Variants in CSGALNACT1 observed in about 807,000 individuals in gnomAD.
CSGALNACT1 encodes chondroitin sulfate N-acetylgalactosaminyltransferase 1.
CSGALNACT1 carries 52 observed loss-of-function variants against 51.0 expected under a neutral mutation model. That is an observed-to-expected ratio of 1.02 (90% CI 0.82 to 1.29). CSGALNACT1 has a LOEUF of 1.29. Among genes scored for constraint, CSGALNACT1 ranks in the 50% most tolerant of loss-of-function variants. The pLI, the probability that CSGALNACT1 is intolerant of heterozygous loss-of-function variation, is 0.00. For missense variants in CSGALNACT1, 935 were observed against 679.2 expected, an observed-to-expected ratio of 1.38 and a Z score of -4.19; for synonymous variants, 341 against 254.4, an observed-to-expected ratio of 1.34 and a Z score of -3.24.
chr8:19,586,304 A>G (rs1240894932), intron 3 of CSGALNACT1, among the ~76,000 whole-genome samples: 1 of 151,962 alleles, frequency 6.6e-6, no homozygotes, highest in Non-Finnish European at 1.5e-5. Context: ...GGCTGCAGTG[A>G]GCCAAGATCA....
intron 5 of CSGALNACT1, among the ~76,000 whole-genome samples, chr8:19,449,222 CA>C (rs1205730181): frequency 1.3e-5 from 2 of 152,176 alleles, no homozygotes; most frequent in African/African-American, 4.8e-5. Flanking sequence ...CAAGTGAAAT[CA>C]AAACCAACTT....
At chr8:19,667,671 TC>T (rs1300176139) in intron 1 of CSGALNACT1, among the ~76,000 whole-genome samples, 1 of 152,164 alleles carries the variant, frequency 6.6e-6, no homozygotes, top group Non-Finnish European at 1.5e-5. Flanking sequence ...GACTAACGTC[TC>T]TTCCTCAGAT....
intron 1 of CSGALNACT1, among the ~76,000 whole-genome samples, chr8:19,669,483 CCT>C (rs1373742061): frequency 6.6e-6 from 1 of 152,028 alleles, no homozygotes; most frequent in African/African-American, 2.4e-5. Context: ...ATGGAGTCTC[CCT>C]CTGTCACCCA....
chr8:19,582,502 A>C (rs1163529887), intron 3 of CSGALNACT1, among the ~76,000 whole-genome samples: 2 of 152,214 alleles, frequency 1.3e-5, no homozygotes, highest in Non-Finnish European at 2.9e-5. Flanking sequence ...GAAGAAAATC[A>C]TCTGGCTTCA....
chr8:19,484,530 T>C (rs4921652), intron 4 of CSGALNACT1, among the ~76,000 whole-genome samples: 123,349 of 152,160 alleles, frequency 0.81, 50,147 homozygotes, highest in East Asian at 0.86. Context: ...AGCAAAGGCA[T>C]GTCTTACATG....
At chr8:19,711,379 A>T (rs1286105141) in intron 1 of CSGALNACT1, among the ~76,000 whole-genome samples, 1 of 152,168 alleles carries the variant, frequency 6.6e-6, no homozygotes, top group East Asian at 1.9e-4. Flanking sequence ...AGAGAGTGTA[A>T]CAAGTTCAAC....
At chr8:19,580,874 T>C (rs1172196897) in intron 3 of CSGALNACT1, among the ~76,000 whole-genome samples, 1 of 152,070 alleles carries the variant, frequency 6.6e-6, no homozygotes, top group East Asian at 1.9e-4. Flanking sequence ...AAAAACTCAA[T>C]AGATAGGTTT....
chr8:19,420,695 C>T (rs551257924), intron 6 of CSGALNACT1, among the ~76,000 whole-genome samples, 177 bp from the exon 6 acceptor site: 115 of 152,264 alleles, frequency 7.6e-4, no homozygotes, highest in African/African-American at 2.6e-3. Context: ...TCACTGGGAT[C>T]GAAGGTACCA....
chr8:19,578,932 G>A (rs532025026), intron 3 of CSGALNACT1, among the ~76,000 whole-genome samples: 63 of 152,134 alleles, frequency 4.1e-4, no homozygotes, highest in African/African-American at 1.2e-3. Flanking sequence ...TTCTTGCTAC[G>A]TTGACCACGC....
At chr8:19,639,300 A>G (rs1371743095) in intron 1 of CSGALNACT1, among the ~76,000 whole-genome samples, 1 of 152,236 alleles carries the variant, frequency 6.6e-6, no homozygotes, top group Non-Finnish European at 1.5e-5. Context: ...TTAAACAATG[A>G]GAGACAAACA....
chr8:19,749,217 G>A (rs78626208), intron 1 of CSGALNACT1, among the ~76,000 whole-genome samples: 1 of 139,980 alleles, frequency 7.1e-6, no homozygotes, highest in African/African-American at 2.6e-5. Context: ...GTCCTTCTGT[G>A]TTTTTTTTTT....
chr8:19,449,029 T>C (rs1043754077), intron 5 of CSGALNACT1, among the ~76,000 whole-genome samples: 3 of 152,168 alleles, frequency 2.0e-5, no homozygotes, highest in African/African-American at 4.8e-5. Flanking sequence ...TTTATTAATA[T>C]ATAATTATTC....
chr8:19,411,544 G>T lies in CSGALNACT1; in HGVS notation c.1228-2850C>A, dbSNP rs147413778. Among the ~76,000 whole-genome samples the T allele has an allele frequency of 9.7e-4, 148 of 152,318 alleles. 4 individuals are homozygous for T. In the East Asian group the frequency reaches 0.027, roughly 28 times the overall value. ...TTCGCCAGCAAGTGGCCCAGCAAAGGCCTGGGAAATGCAGTGGTGAGAACC... is the reference window on the plus strand; with the variant it reads ...TTCGCCAGCAAGTGGCCCAGCAAAGTCCTGGGAAATGCAGTGGTGAGAACC... On this transcript the variant is annotated intron_variant, in intron 8 of 9. Coordinates refer to ENST00000454498, the Ensembl canonical transcript of CSGALNACT1.
chr8:19,539,762 T>C (rs2084650893), intron 3 of CSGALNACT1, among the ~76,000 whole-genome samples: 1 of 152,140 alleles, frequency 6.6e-6, no homozygotes, highest in Non-Finnish European at 1.5e-5. Context: ...TTGGCCACAT[T>C]GACTGTGATT....
intron 5 of CSGALNACT1, chr8:19,457,382 G>T (rs969450153): frequency 2.9e-6 from 1 of 345,694 alleles, no homozygotes; most frequent in Admixed American, 4.0e-5. Context: ...AGAGGCCGAG[G>T]TGAGCAGATC....
chr8:19,587,207 A>G lies in CSGALNACT1; in HGVS notation c.-297+3953T>C, dbSNP rs187705211. On this transcript the variant is annotated intron_variant, in intron 3 of 9. Transcript: ENST00000454498. ...CTTTTCAAAATTGCAGGTAACTGGCACTGCCCAAGACACACAGAATCAGAA... is the reference window on the plus strand; with the variant it reads ...CTTTTCAAAATTGCAGGTAACTGGCGCTGCCCAAGACACACAGAATCAGAA... Among the ~76,000 whole-genome samples, 568 of 152,322 alleles carry G rather than the reference A, an allele frequency of 3.7e-3. 5 individuals are homozygous for G. Among genetic ancestry groups the G allele is most frequent in the Non-Finnish European group, 4.5e-3 (304 of 68,020 alleles).
At chr8:19,678,893 T>C (rs1442183476) in intron 1 of CSGALNACT1, 1 of 152,136 alleles carries the variant, frequency 6.6e-6, no homozygotes, top group Non-Finnish European at 1.5e-5. Flanking sequence ...ACAACAATAA[T>C]AGAAACCAAT....
intron 1 of CSGALNACT1, among the ~76,000 whole-genome samples, chr8:19,635,436 T>C (rs1243219086): frequency 6.6e-6 from 1 of 152,214 alleles, no homozygotes; most frequent in Non-Finnish European, 1.5e-5. Context: ...TCTAGGCCTG[T>C]TGCCCTAAAT....
chr8:19,755,841 A>G (rs779143369), intron 1 of CSGALNACT1, among the ~76,000 whole-genome samples: 5 of 152,256 alleles, frequency 3.3e-5, no homozygotes, highest in Non-Finnish European at 7.3e-5. Context: ...TTGATATTGT[A>G]TTATGTGGAG....
Sources: gnomAD v4.1 joint callset for allele counts (sites outside exome capture counted in the v4.1 genomes callset) on GRCh38, gnomAD v4.1.1 for gene constraint, MANE v1.5 for transcripts, NCBI Gene and HGNC (gene_info 2026-07-23, HGNC 2026-07-21) for gene names.